Variants in SNCB observed in about 807,000 individuals in gnomAD.
SNCB encodes the protein synuclein beta.
Under a neutral mutation model 20.0 loss-of-function variants are expected in SNCB, and 8 were observed. The ratio of observed to expected loss-of-function variants is 0.40; its 90% CI spans 0.24 to 0.72. The LOEUF is 0.72. Among genes scored for constraint, SNCB ranks in the 30% least tolerant of loss-of-function variants. The pLI, the probability that SNCB is intolerant of heterozygous loss-of-function variation, is 0.37. For missense variants in SNCB, 125 were observed against 168.0 expected, an observed-to-expected ratio of 0.74 and a Z score of 1.41; for synonymous variants, 56 against 65.4, an observed-to-expected ratio of 0.86 and a Z score of 0.69.
At position 176,629,392 on chromosome 5, in the gene SNCB, C is replaced by A; in HGVS notation, c.121+142G>T. 1.1e-6 allele frequency: 1 copy of A among 871,044 alleles called. No homozygotes were observed. The highest frequency in any genetic ancestry group is 1.8e-6 in the Non-Finnish European group (1 of 557,586). 54.0% of individuals were successfully genotyped at this position (871,044 alleles called of 1,614,324 possible). ...CAGGCTTCTATGGGCTGGCTATGTC[C>A]CCTATGACCCCTGCTGACCTCGCCC... On this transcript the variant is annotated intron_variant, in intron 2 of 5. Coordinates refer to ENST00000393693, the MANE Select transcript of SNCB (RefSeq NM_003085.5). This position sits in a 1 kb window ranked among gnomAD's most constrained non-coding sequence, Gnocchi z 4.1.
Position 176,621,174 on chromosome 5 carries a change from T to C in SNCB, c.372+40A>G, listed in dbSNP as rs1384270360. 1 of 1,509,800 alleles carries C rather than the reference T, an allele frequency of 6.6e-7. No individual in the cohort carries two copies. The highest frequency in any genetic ancestry group is 1.2e-5 in the South Asian group (1 of 85,874). 93.5% of individuals were successfully genotyped at this position (1,509,800 alleles called of 1,614,324 possible). A position where few individuals can be genotyped will look rare whatever the true frequency, so the allele number is the denominator to read the frequency against. On this transcript the variant is annotated intron_variant, in intron 5 of 5. Coordinates refer to ENST00000393693, the MANE Select transcript of SNCB (RefSeq NM_003085.5). The surrounding 1 kb of genome is among the most constrained non-coding windows in gnomAD (Gnocchi z 4.1). ...CAGCTAGGGACGGCAGCAATCATCC[T>C]GGATTCCCAAAGTCCCGCCCAGCCC...
At position 176,620,800 on chromosome 5, in the gene SNCB, C is replaced by T. The variant is rs767286451; in HGVS notation, c.*11G>A. On this transcript the variant is annotated 3_prime_UTR_variant, in exon 6 of 6. Transcript: ENST00000393693. The surrounding 1 kb of genome is among the most constrained non-coding windows in gnomAD (Gnocchi z 4.5). ...CAGAATTGTGCTGCTGGTGGGGGCT[C>T]TCCTGGGCCCCTACGCCTCTGGCTC... 8 of 1,611,866 alleles carry T rather than the reference C, an allele frequency of 5.0e-6. 1 individual carries two copies. In the South Asian group the frequency reaches 8.8e-5, roughly 18 times the overall value.
rs1759549094 is a variant in SNCB at position 176,620,963 on chromosome 5, T to C, written c.373-120A>G. On this transcript the variant is annotated intron_variant, in intron 5 of 5. Coordinates refer to ENST00000393693, the MANE Select transcript of SNCB (RefSeq NM_003085.5). This position sits in a 1 kb window ranked among gnomAD's most constrained non-coding sequence, Gnocchi z 4.5. ...TGAAGGAGGAATAGCACATTCCCCT[T>C]TTCCTGGGCAGGGGAGGAGCCTGGA... 1 of 931,348 alleles carries C rather than the reference T, an allele frequency of 1.1e-6. No homozygotes were observed. 57.7% of individuals were successfully genotyped at this position (931,348 alleles called of 1,614,324 possible).
chr5:176,629,934 T>C lies in SNCB; in HGVS notation c.-9-271A>G, dbSNP rs1760261800. 2 of 412,596 alleles carry C rather than the reference T, an allele frequency of 4.8e-6. No individual in the cohort carries two copies. Among genetic ancestry groups the C allele is most frequent in the Non-Finnish European group, 8.8e-6 (2 of 227,190 alleles). The allele number at this position is 412,596 out of a possible 1,614,324, so 25.6% of individuals were successfully genotyped here. ...AAACTGCAGCCCCGTCGAACCGGAG[T>C]GCTGGGTTCGGCGCGAATATCCAGG... On this transcript the variant is annotated intron_variant, in intron 1 of 5. Coordinates refer to ENST00000393693, the MANE Select transcript of SNCB (RefSeq NM_003085.5). This position sits in a 1 kb window ranked among gnomAD's most constrained non-coding sequence, Gnocchi z 4.1.
At position 176,620,930 on chromosome 5, in the gene SNCB, C is replaced by A; in HGVS notation, c.373-87G>T. 4 of 1,194,806 alleles carry A rather than the reference C, an allele frequency of 3.3e-6. No individual in the cohort carries two copies. Among genetic ancestry groups the A allele is most frequent in the Non-Finnish European group, 5.0e-6 (4 of 798,728 alleles). 74.0% of individuals were successfully genotyped at this position (1,194,806 alleles called of 1,614,324 possible). On this transcript the variant is annotated intron_variant, in intron 5 of 5. Transcript: ENST00000393693. This position sits in a 1 kb window ranked among gnomAD's most constrained non-coding sequence, Gnocchi z 4.5. ...AGTGGCCAAGCCCCGGCCCAAGAACCCTCTCCCTGAAGGAGGAATAGCACA... is the reference window on the plus strand; with the variant it reads ...AGTGGCCAAGCCCCGGCCCAAGAACACTCTCCCTGAAGGAGGAATAGCACA...
chr5:176,622,707 C>T (rs11739753), intron 4 of SNCB, among the ~76,000 whole-genome samples: 52,943 of 148,010 alleles, frequency 0.36, 11,868 homozygotes, highest in Non-Finnish European at 0.49. Flanking sequence ...AGATACAGAA[C>T]AGAAGAGCAT....
chr5:176,626,656 C>T lies in SNCB; in HGVS notation c.163+64G>A. 1.3e-6 allele frequency: 2 copies of T among 1,596,976 alleles called. No homozygotes were observed. Among genetic ancestry groups the T allele is most frequent in the Non-Finnish European group, 8.6e-7 (1 of 1,164,438 alleles). ...TGGGAGTCTCCCCCGCCCCCGCCCT[C>T]TGGTTCCCGGCCAGATCATCCGCCT... On this transcript the variant is annotated intron_variant, in intron 3 of 5. Coordinates refer to ENST00000393693, the MANE Select transcript of SNCB (RefSeq NM_003085.5). This position sits in a 1 kb window ranked among gnomAD's most constrained non-coding sequence, Gnocchi z 4.2.
Position 176,620,642 on chromosome 5 carries a change from G to T in SNCB, c.*169C>A, listed in dbSNP as rs890476709. ...ATGCCCCGGGGTTGGACGCGGGCGG[G>T]TAGGACAGACAGATGGACAGACACT... is the stretch of plus-strand genomic sequence containing the variant. On this transcript the variant is annotated 3_prime_UTR_variant, in exon 6 of 6. Coordinates refer to ENST00000393693, the MANE Select transcript of SNCB (RefSeq NM_003085.5). This position sits in a 1 kb window ranked among gnomAD's most constrained non-coding sequence, Gnocchi z 4.5. The T allele has an allele frequency of 9.1e-6, 6 of 660,892 alleles. No homozygotes were observed. Among genetic ancestry groups the T allele is most frequent in the African/African-American group, 5.3e-5 (3 of 56,188 alleles). The allele number at this position is 660,892 out of a possible 1,614,324, so 40.9% of individuals were successfully genotyped here.
chr5:176,621,731 C>T lies in SNCB; in HGVS notation c.283-428G>A, dbSNP rs1048898542. Reference sequence around the variant, plus strand: ...GGGCAGGGGCTCTGAGCCATTCCCCCGCCACCTTCCACTCATCCCTCCCCC... The same window carrying T: ...GGGCAGGGGCTCTGAGCCATTCCCCTGCCACCTTCCACTCATCCCTCCCCC... On this transcript the variant is annotated intron_variant, in intron 4 of 5. Transcript: ENST00000393693. The surrounding 1 kb of genome is among the most constrained non-coding windows in gnomAD (Gnocchi z 4.1). 3.3e-5 allele frequency among the ~76,000 whole-genome samples: 5 copies of T among 152,226 alleles called. No individual in the cohort carries two copies. The highest frequency in any genetic ancestry group is 5.9e-5 in the Non-Finnish European group (4 of 68,022).
rs1429267531 is a variant in SNCB at position 176,629,843 on chromosome 5, G to A, written c.-9-180C>T. 2.5e-6 allele frequency: 2 copies of A among 796,994 alleles called. No homozygotes were observed. Among genetic ancestry groups the A allele is most frequent in the South Asian group, 2.3e-5 (1 of 44,236 alleles). The allele number at this position is 796,994 out of a possible 1,614,324, so 49.4% of individuals were successfully genotyped here. On this transcript the variant is annotated intron_variant, in intron 1 of 5. Transcript: ENST00000393693. This position sits in a 1 kb window ranked among gnomAD's most constrained non-coding sequence, Gnocchi z 4.1. ...CAGTGCGAAGCCTCAGGGCCGCGGAGAGTCCTAGCGTCCTTGAAACCTGGG... is the reference window on the plus strand; with the variant it reads ...CAGTGCGAAGCCTCAGGGCCGCGGAAAGTCCTAGCGTCCTTGAAACCTGGG...
Position 176,620,782 on chromosome 5 carries a change from GTGC to G in SNCB, c.*26_*28del. 1 of 1,588,540 alleles carries G rather than the reference GTGC, an allele frequency of 6.3e-7. No homozygotes were observed. Among genetic ancestry groups the G allele is most frequent in the Non-Finnish European group, 8.6e-7 (1 of 1,156,496 alleles). The stretch of plus-strand genomic sequence containing the variant: ...GCGGGGCAGGGACAGGGACAGAATT[GTGC>G]TGCTGGTGGGGGCTCTCCTGGGCCC... On this transcript the variant is annotated 3_prime_UTR_variant, in exon 6 of 6. Coordinates refer to ENST00000393693, the MANE Select transcript of SNCB (RefSeq NM_003085.5). The surrounding 1 kb of genome is among the most constrained non-coding windows in gnomAD (Gnocchi z 4.5).
Position 176,621,327 on chromosome 5 carries a change from T to C in SNCB, c.283-24A>G. The C allele has an allele frequency of 1.3e-6, 2 of 1,597,480 alleles. No individual in the cohort carries two copies. Among genetic ancestry groups the C allele is most frequent in the South Asian group, 1.1e-5 (1 of 89,176 alleles). ...GGCTGTGGGCAGAAAAGGTCAGGAC[T>C]CGTGAGGACAGCCAGGATGCCCCCC... On this transcript the variant is annotated intron_variant, in intron 4 of 5. Coordinates refer to ENST00000393693, the MANE Select transcript of SNCB (RefSeq NM_003085.5). The surrounding 1 kb of genome is among the most constrained non-coding windows in gnomAD (Gnocchi z 4.1).
chr5:176,622,709 G>T (rs1315497269), intron 4 of SNCB, among the ~76,000 whole-genome samples: 1 of 146,568 alleles, frequency 6.8e-6, no homozygotes, highest in Non-Finnish European at 1.5e-5. Context: ...ATACAGAACA[G>T]AAGAGCATGG....
Position 176,620,853 on chromosome 5 carries a change from C to G in SNCB, c.373-10G>C. The G allele has an allele frequency of 1.9e-6, 3 of 1,613,350 alleles. No individual in the cohort carries two copies. Among genetic ancestry groups the G allele is most frequent in the Non-Finnish European group, 2.5e-6 (3 of 1,179,404 alleles). ...ACTCCTGATATTCCTCCTGCATCAC[C>G]GGGATGGGGGTGGAGTAGAGAAGAG... On this transcript the variant is annotated splice_polypyrimidine_tract_variant and intron_variant, in intron 5 of 5. Transcript: ENST00000393693. The surrounding 1 kb of genome is among the most constrained non-coding windows in gnomAD (Gnocchi z 4.5).
Position 176,620,917 on chromosome 5 carries a change from C to A in SNCB, c.373-74G>T. On this transcript the variant is annotated intron_variant, in intron 5 of 5. Coordinates refer to ENST00000393693, the MANE Select transcript of SNCB (RefSeq NM_003085.5). This position sits in a 1 kb window ranked among gnomAD's most constrained non-coding sequence, Gnocchi z 4.5. ...GAGTTTGAGACCAAGTGGCCAAGCC[C>A]CGGCCCAAGAACCCTCTCCCTGAAG... The A allele has an allele frequency of 1.5e-6, 2 of 1,338,412 alleles. No individual in the cohort carries two copies. Among genetic ancestry groups the A allele is most frequent in the South Asian group, 1.2e-5 (1 of 85,798 alleles). The allele number at this position is 1,338,412 out of a possible 1,614,324, so 82.9% of individuals were successfully genotyped here. A position where few individuals can be genotyped will look rare whatever the true frequency, so the allele number is the denominator to read the frequency against.
rs1396518092 is a variant in SNCB at position 176,626,716 on chromosome 5, G to A, written c.163+4C>T. On this transcript the variant is annotated splice_donor_region_variant and intron_variant, in intron 3 of 5. Coordinates refer to ENST00000393693, the MANE Select transcript of SNCB (RefSeq NM_003085.5). The surrounding 1 kb of genome is among the most constrained non-coding windows in gnomAD (Gnocchi z 4.2). ...AAGGGCTGGTGCCAGGGCTGGGCTA[G>A]TACCTGAAGCCACACCTTGTACCAC... The A allele has an allele frequency of 6.2e-7, 1 of 1,614,046 alleles. No homozygotes were observed. The highest frequency in any genetic ancestry group is 1.7e-5 in the Admixed American group (1 of 60,006).
Position 176,626,652 on chromosome 5 carries a change from C to G in SNCB, c.163+68G>C. 6.3e-7 allele frequency: 1 copy of G among 1,585,244 alleles called. No homozygotes were observed. The highest frequency in any genetic ancestry group is 1.1e-5 in the South Asian group (1 of 90,472). On this transcript the variant is annotated intron_variant, in intron 3 of 5. Transcript: ENST00000393693. This position sits in a 1 kb window ranked among gnomAD's most constrained non-coding sequence, Gnocchi z 4.2. Reference sequence around the variant, plus strand: ...GCCTTGGGAGTCTCCCCCGCCCCCGCCCTCTGGTTCCCGGCCAGATCATCC... The same window carrying G: ...GCCTTGGGAGTCTCCCCCGCCCCCGGCCTCTGGTTCCCGGCCAGATCATCC...
Position 176,620,390 on chromosome 5 carries a change from T to G in SNCB, c.*421A>C. The G allele has an allele frequency of 5.3e-6, 1 of 188,240 alleles. No homozygotes were observed. Among genetic ancestry groups the G allele is most frequent in the Non-Finnish European group, 1.1e-5 (1 of 90,870 alleles). The allele number at this position is 188,240 out of a possible 1,614,324, so 11.7% of individuals were successfully genotyped here. ...CATGGCACAGCCTGGCTCCTGGTTT[T>G]GGTTAAAAAAAAAAAGGTTCTCGAG... On this transcript the variant is annotated 3_prime_UTR_variant, in exon 6 of 6. Transcript: ENST00000393693. The surrounding 1 kb of genome is among the most constrained non-coding windows in gnomAD (Gnocchi z 4.5).
Position 176,626,302 on chromosome 5 carries a change from G to C in SNCB, c.282+96C>G, listed in dbSNP as rs1759937041. The C allele has an allele frequency of 1.1e-6, 1 of 914,098 alleles. No individual in the cohort carries two copies. 56.6% of individuals were successfully genotyped at this position (914,098 alleles called of 1,614,324 possible). A position where few individuals can be genotyped will look rare whatever the true frequency, so the allele number is the denominator to read the frequency against. On this transcript the variant is annotated intron_variant, in intron 4 of 5. Coordinates refer to ENST00000393693, the MANE Select transcript of SNCB (RefSeq NM_003085.5). The surrounding 1 kb of genome is among the most constrained non-coding windows in gnomAD (Gnocchi z 4.2). ...TCCAAGCTGGTGGCAGGATTAGGGG[G>C]GCGGGGATGGTGACAGGTTTATTTG... is the stretch of plus-strand genomic sequence containing the variant.
Sources: allele counts gnomAD v4.1 joint callset (sites outside exome capture counted in the v4.1 genomes callset), GRCh38; gene constraint gnomAD v4.1.1; non-coding constraint Gnocchi (gnomAD v3.1); transcripts MANE v1.5; gene names NCBI Gene and HGNC (gene_info 2026-07-23, HGNC 2026-07-21).